The following MIPOL1 variants were observed in gnomAD, a reference collection of about 807,000 sequenced individuals.
MIPOL1 encodes the protein mirror-image polydactyly 1, also known as mirror-image polydactyly gene 1 protein.
MIPOL1 carries 57 observed loss-of-function variants against 60.9 expected under a neutral mutation model. That is an observed-to-expected ratio of 0.94 (90% CI 0.76 to 1.17). The LOEUF is 1.17. MIPOL1 is among the 50% of genes most tolerant of loss of function. MIPOL1 has a pLI of 0.00. For synonymous variants in MIPOL1, 179 were observed against 168.8 expected, an observed-to-expected ratio of 1.06 and a Z score of -0.47; for missense variants, 551 against 511.6, an observed-to-expected ratio of 1.08 and a Z score of -0.74.
chr14:37,377,039 G>C (rs560059231), intron 10 of MIPOL1, among the ~76,000 whole-genome samples: 17 of 152,088 alleles, frequency 1.1e-4, no homozygotes, highest in Admixed American at 2.0e-4. Context: ...TCTTCCACTT[G>C]AATATCTTAA....
In MIPOL1 at chr14:37,378,336, A is replaced by G. The variant is rs11622445; in HGVS notation, c.936+8712A>G. Among the ~76,000 whole-genome samples, 471 of 152,208 alleles carry G rather than the reference A, an allele frequency of 3.1e-3. 1 individual carries two copies. The highest frequency in any genetic ancestry group is 5.7e-3 in the Admixed American group (87 of 15,266). On this transcript the variant is annotated intron_variant, in intron 10 of 12. Coordinates refer to ENST00000684589, the MANE Select transcript of MIPOL1 (RefSeq NM_001388067.1). The stretch of plus-strand genomic sequence containing the variant: ...TGTCCACACAATAGAATATTACTCA[A>G]CAATAAAAGGAAACAACCTATTGAT...
chr14:37,209,807 A>C (rs1387602326), intron 1 of MIPOL1, among the ~76,000 whole-genome samples: 3 of 151,986 alleles, frequency 2.0e-5, no homozygotes, highest in Non-Finnish European at 4.4e-5. Flanking sequence ...GGGCTCAAGC[A>C]ATCCTCCCAC....
chr14:37,246,918 G>A (rs1047023735), intron 1 of MIPOL1, among the ~76,000 whole-genome samples, 185 bp from the exon 2 acceptor site: 1 of 151,914 alleles, frequency 6.6e-6, no homozygotes, highest in East Asian at 1.9e-4. Context: ...GCACATTAAG[G>A]CCTGTAAGAC....
chr14:37,424,538 C>CT (rs2153553510), intron 11 of MIPOL1, among the ~76,000 whole-genome samples: 1 of 152,294 alleles, frequency 6.6e-6, no homozygotes, highest in South Asian at 2.1e-4. Context: ...TGATTCCAGA[C>CT]TTCTATAGTT....
intron 1 of MIPOL1, among the ~76,000 whole-genome samples, chr14:37,227,574 A>G (rs76084672): frequency 0.021 from 3,227 of 152,236 alleles, 48 homozygotes; most frequent in Non-Finnish European, 0.03. Context: ...CCACAGAATC[A>G]CTGTTGACAT....
At position 37,289,564 on chromosome 14, in the gene MIPOL1, G is replaced by T. The variant is rs2084876271; in HGVS notation, c.623+4117G>T. 1.3e-5 allele frequency among the ~76,000 whole-genome samples: 2 copies of T among 152,204 alleles called. 1 individual carries two copies. The highest frequency in any genetic ancestry group is 1.3e-4 in the Admixed American group (2 of 15,276). The stretch of plus-strand genomic sequence containing the variant: ...TAAAAAGGATATGACAATGGATACA[G>T]ATGAAGAGATGCAGAGGTCAAGGTA... On this transcript the variant is annotated intron_variant, in intron 7 of 12. Coordinates refer to ENST00000684589, the MANE Select transcript of MIPOL1 (RefSeq NM_001388067.1).
chr14:37,348,303 G>A (rs1277788495), intron 9 of MIPOL1, among the ~76,000 whole-genome samples: 1 of 152,080 alleles, frequency 6.6e-6, no homozygotes, highest in Non-Finnish European at 1.5e-5. Flanking sequence ...AGCCTGGAAG[G>A]AAAACTAGAT....
chr14:37,428,079 GA>G, intron 11 of MIPOL1, among the ~76,000 whole-genome samples: 2 of 150,664 alleles, frequency 1.3e-5, no homozygotes, highest in East Asian at 3.9e-4. Flanking sequence ...CAATATTTAA[GA>G]AAAAAATAAG....
chr14:37,320,178 C>T (rs59100529), intron 9 of MIPOL1, among the ~76,000 whole-genome samples: 4,143 of 152,144 alleles, frequency 0.027, 207 homozygotes, highest in African/African-American at 0.094. Context: ...CATATACAGG[C>T]ACATACAAAA....
chr14:37,446,246 A>C (rs2094332887), intron 11 of MIPOL1, among the ~76,000 whole-genome samples: 1 of 152,232 alleles, frequency 6.6e-6, no homozygotes, highest in South Asian at 2.1e-4. Flanking sequence ...AAACTACCCC[A>C]TCAACAAGTG....
chr14:37,248,543 GACAAGAGAC>G (rs1417461234), intron 3 of MIPOL1, among the ~76,000 whole-genome samples: 1 of 152,018 alleles, frequency 6.6e-6, no homozygotes, highest in African/African-American at 2.4e-5. Context: ...TGTACATACA[GACAAGAGAC>G]ACATATAGTG....
intron 1 of MIPOL1, among the ~76,000 whole-genome samples, chr14:37,223,656 C>T (rs967636608): frequency 6.6e-6 from 1 of 152,086 alleles, no homozygotes; most frequent in Non-Finnish European, 1.5e-5. Flanking sequence ...GCATGTACCA[C>T]CACGCCCGGC....
At chr14:37,467,695 A>G (rs2094617651) in intron 11 of MIPOL1, among the ~76,000 whole-genome samples, 1 of 152,188 alleles carries the variant, frequency 6.6e-6, no homozygotes, top group Non-Finnish European at 1.5e-5. Flanking sequence ...TTAATTAACT[A>G]ATTCACAAAT....
At chr14:37,305,890 G>T (rs2153432170) in intron 7 of MIPOL1, among the ~76,000 whole-genome samples, 1 of 151,874 alleles carries the variant, frequency 6.6e-6, no homozygotes, top group Non-Finnish European at 1.5e-5. Flanking sequence ...TACGTCCTGT[G>T]TGTCAGACCT....
At position 37,238,786 on chromosome 14, in the gene MIPOL1, C is replaced by CA. The variant is rs778152612; in HGVS notation, c.-198-8299dup. 9.8e-3 allele frequency among the ~76,000 whole-genome samples: 854 copies of CA among 86,866 alleles called. 3 individuals are homozygous for CA. The highest frequency in any genetic ancestry group is 0.037 in the East Asian group (76 of 2,082). The allele number at this position is 86,866 out of a possible 152,430, so 57.0% of individuals were successfully genotyped here. On this transcript the variant is annotated intron_variant, in intron 1 of 12. Transcript: ENST00000684589. ...GCAACACGGTGAAACCCCACTTCTA[C>CA]AAAAAAAAAAAAAAAAAATTAGATG...
intron 1 of MIPOL1, among the ~76,000 whole-genome samples, chr14:37,200,497 A>G (rs913629892): frequency 6.6e-6 from 1 of 152,072 alleles, no homozygotes; most frequent in Non-Finnish European, 1.5e-5. Flanking sequence ...GGAAACAGAA[A>G]ATATTTGATT....
At chr14:37,266,703 A>T (rs1378524757) in intron 3 of MIPOL1, among the ~76,000 whole-genome samples, 2 of 152,138 alleles carry the variant, frequency 1.3e-5, no homozygotes, top group Admixed American at 6.6e-5. Context: ...GGTCCCCATG[A>T]CAGCCCCACA....
At chr14:37,388,516 A>T (rs1367367580) in intron 10 of MIPOL1, among the ~76,000 whole-genome samples, 1 of 148,774 alleles carries the variant, frequency 6.7e-6, no homozygotes, top group Non-Finnish European at 1.5e-5. Context: ...TTTTTCAATC[A>T]ATTTTGTTGA....
intron 1 of MIPOL1, among the ~76,000 whole-genome samples, chr14:37,217,955 C>G (rs1286867861): frequency 6.6e-6 from 1 of 152,096 alleles, no homozygotes; most frequent in Non-Finnish European, 1.5e-5. Context: ...ATTGATCTAG[C>G]TACATCTCAC....
Sources: allele counts gnomAD v4.1 joint callset (sites outside exome capture counted in the v4.1 genomes callset), GRCh38; gene constraint gnomAD v4.1.1; transcripts MANE v1.5; gene names NCBI Gene and HGNC (gene_info 2026-07-23, HGNC 2026-07-21).